Variants in SLC22A8 observed in about 807,000 individuals in gnomAD.
SLC22A8 encodes organic anion transporter 3.
Under a neutral mutation model 48.4 loss-of-function variants are expected in SLC22A8, and 40 were observed. The observed-to-expected ratio is 0.83, with a 90% CI of 0.64 to 1.08. The LOEUF is 1.08. Among genes scored for constraint, SLC22A8 ranks in the 50% least tolerant of loss-of-function variants. The probability of loss-of-function intolerance (pLI) is 0.00; values close to 1 mark genes in which losing one functional copy is unlikely to be tolerated. For synonymous variants in SLC22A8, 268 were observed against 286.3 expected (o/e 0.94, Z 0.65); for missense variants, 606 against 699.0 (o/e 0.87, Z 1.50).
intron 3 of SLC22A8, among the ~76,000 whole-genome samples, chr11:63,000,211 C>T (rs529970065): frequency 1.3e-5 from 2 of 152,192 alleles, no homozygotes; most frequent in Admixed American, 6.5e-5. Context: ...AGGCCAGACA[C>T]GGTGGTTCAT....
chr11:62,993,412 G>A lies in SLC22A8; in HGVS notation c.1529+12C>T. 6.2e-7 allele frequency: 1 copy of A among 1,613,844 alleles called. No individual in the cohort carries two copies. The highest frequency in any genetic ancestry group is 8.5e-7 in the Non-Finnish European group (1 of 1,179,714). ...GGGAGGAGCACTGATGGGGCCAGAG[G>A]CAGTGACTGACCAGTTTTCCAGGTC... On this transcript the variant is annotated intron_variant, in intron 10 of 10. Transcript: ENST00000336232.
At chr11:62,995,291 A>T (rs1166797342) in intron 7 of SLC22A8, 1 of 243,230 alleles carries the variant, frequency 4.1e-6, no homozygotes, top group African/African-American at 2.2e-5. Flanking sequence ...AGAGGAGAAA[A>T]CTTGAGATAA....
chr11:62,999,517 A>G (rs538700358), intron 4 of SLC22A8, 171 bp downstream of exon 4: 1 of 511,186 alleles, frequency 2.0e-6, no homozygotes, highest in East Asian at 3.2e-5. Context: ...TGCTATTACT[A>G]TGCTTGTTGT....
At chr11:63,015,597 A>C (rs2086665039) in intron 1 of SLC22A8, 132 bp downstream of exon 1, 1 of 152,340 alleles carries the variant, frequency 6.6e-6, no homozygotes, top group African/African-American at 2.4e-5. Context: ...ACCATGCTGG[A>C]GTATCTGTAA....
At chr11:62,999,142 T>C (rs1036635851) in intron 4 of SLC22A8, 53 bp from the exon 5 acceptor site, 12 of 1,525,658 alleles carry the variant, frequency 7.9e-6, no homozygotes, top group Non-Finnish European at 9.9e-6. Context: ...CCCAGGCACC[T>C]CCGCGTGAAG....
chr11:63,012,625 G>T (rs981731735), intron 2 of SLC22A8, among the ~76,000 whole-genome samples: 3 of 152,106 alleles, frequency 2.0e-5, no homozygotes, highest in East Asian at 3.9e-4. Flanking sequence ...TGTACAAAGC[G>T]CATATTCATT....
At position 62,995,835 on chromosome 11, in the gene SLC22A8, G is replaced by T; in HGVS notation, c.886-16C>A. 1 of 1,592,988 alleles carries T rather than the reference G, an allele frequency of 6.3e-7. No homozygotes were observed. The highest frequency in any genetic ancestry group is 8.6e-7 in the Non-Finnish European group (1 of 1,160,798). ...GTTTGAGCTCCTTCGGGCAGAGGAG[G>T]GGGAGGGGTGCCATTAATGACCAGC... On this transcript the variant is annotated splice_polypyrimidine_tract_variant and intron_variant, in intron 6 of 10. Coordinates refer to ENST00000336232, the MANE Select transcript of SLC22A8 (RefSeq NM_004254.4).
intron 2 of SLC22A8, among the ~76,000 whole-genome samples, chr11:63,010,059 C>T (rs531635082): frequency 1.1e-4 from 17 of 152,238 alleles, no homozygotes; most frequent in Non-Finnish European, 2.1e-4. Context: ...TCTCAGACAT[C>T]CCTATTAACA....
In SLC22A8 at chr11:62,995,834, G is replaced by A. The variant is rs528874083; in HGVS notation, c.886-15C>T. Reference sequence around the variant, plus strand: ...AGTTTGAGCTCCTTCGGGCAGAGGAGGGGGAGGGGTGCCATTAATGACCAG... The same window carrying A: ...AGTTTGAGCTCCTTCGGGCAGAGGAAGGGGAGGGGTGCCATTAATGACCAG... On this transcript the variant is annotated splice_polypyrimidine_tract_variant and intron_variant, in intron 6 of 10. Transcript: ENST00000336232. 12 of 1,596,848 alleles carry A rather than the reference G, an allele frequency of 7.5e-6. No homozygotes were observed. In the Admixed American group the frequency reaches 1.7e-4, roughly 22 times the overall value.
At chr11:63,002,026 C>A (rs951124433) in intron 2 of SLC22A8, among the ~76,000 whole-genome samples, 4 of 152,116 alleles carry the variant, frequency 2.6e-5, no homozygotes, top group African/African-American at 9.6e-5. Context: ...TGGGCTAAAG[C>A]CATCCTCCTA....
chr11:63,003,141 C>A (rs1314921736), intron 2 of SLC22A8, among the ~76,000 whole-genome samples: 2 of 152,232 alleles, frequency 1.3e-5, no homozygotes, highest in Non-Finnish European at 2.9e-5. Context: ...CTGGCCCCTG[C>A]CTACCTGTCT....
chr11:62,999,624 C>T, intron 4 of SLC22A8, 64 bp downstream of exon 4: 2 of 1,348,876 alleles, frequency 1.5e-6, no homozygotes, highest in Non-Finnish European at 2.0e-6. Context: ...ACCCAGACCC[C>T]ATTCTCTTTT....
intron 5 of SLC22A8, 115 bp downstream of exon 5, chr11:62,998,806 G>T: frequency 1.2e-6 from 1 of 855,860 alleles, no homozygotes. Context: ...GCCCTTCCCT[G>T]ACTCTGGGAC....
At chr11:63,014,505 G>A in intron 2 of SLC22A8, 121 bp downstream of exon 2, 1 of 853,264 alleles carries the variant, frequency 1.2e-6, no homozygotes, top group Non-Finnish European at 1.8e-6. Context: ...CTCTTTGCCT[G>A]CCCAGTGACC....
intron 8 of SLC22A8, chr11:62,994,156 TA>T: frequency 1.9e-6 from 1 of 535,834 alleles, no homozygotes. Flanking sequence ...ATCAACCAAC[TA>T]ACACCCATAT....
chr11:63,003,564 G>A (rs2086522635), intron 2 of SLC22A8, among the ~76,000 whole-genome samples: 1 of 152,168 alleles, frequency 6.6e-6, no homozygotes, highest in Non-Finnish European at 1.5e-5. Flanking sequence ...GTGGCATGCT[G>A]TGTAAAGTCC....
intron 2 of SLC22A8, among the ~76,000 whole-genome samples, chr11:63,004,871 C>T (rs1270001209): frequency 6.6e-6 from 1 of 152,190 alleles, no homozygotes; most frequent in Non-Finnish European, 1.5e-5. Context: ...TAGAGATCTG[C>T]CAGTGTCTAC....
chr11:62,994,337 C>T (rs2086382570), intron 8 of SLC22A8: 2 of 594,434 alleles, frequency 3.4e-6, no homozygotes, highest in Admixed American at 3.0e-5. Context: ...TACTTTTTGC[C>T]CAGTCCAAGT....
In SLC22A8 at chr11:63,008,897, C is replaced by T. The variant is rs143565472; in HGVS notation, c.333+5729G>A. On this transcript the variant is annotated intron_variant, in intron 2 of 10. Coordinates refer to ENST00000336232, the MANE Select transcript of SLC22A8 (RefSeq NM_004254.4). The stretch of plus-strand genomic sequence containing the variant: ...CAATAGTGCCTGATTTGCAGGGTCA[C>T]GAGAGAAGGGATGCAAACACCAGCC... Among the ~76,000 whole-genome samples, 336 of 152,176 alleles carry T rather than the reference C, an allele frequency of 2.2e-3. 2 individuals carry two copies. The highest frequency in any genetic ancestry group is 7.8e-3 in the African/African-American group (322 of 41,514).
Sources: gnomAD v4.1 joint callset for allele counts (sites outside exome capture counted in the v4.1 genomes callset) on GRCh38, gnomAD v4.1.1 for gene constraint, MANE v1.5 for transcripts, NCBI Gene and HGNC (gene_info 2026-07-23, HGNC 2026-07-21) for gene names.